The following ZBTB40 variants were observed in gnomAD, a reference collection of about 807,000 sequenced individuals.
ZBTB40 encodes zinc finger and BTB domain-containing protein 40.
A neutral mutation model predicts 117.5 loss-of-function variants in ZBTB40; 60 were observed. That is an observed-to-expected ratio of 0.51 (90% CI 0.41 to 0.63). The LOEUF (loss-of-function observed/expected upper bound fraction) is 0.63, where lower values mean the gene tolerates loss of function less well. Among genes scored for constraint, ZBTB40 ranks in the 30% least tolerant of loss-of-function variants. ZBTB40 has a pLI of 0.00. For synonymous variants in ZBTB40, 525 were observed against 577.1 expected (o/e 0.91, Z 1.29); for missense variants, 1,287 against 1,498.5 (o/e 0.86, Z 2.33).
intron 1 of ZBTB40, among the ~76,000 whole-genome samples, chr1:22,469,727 G>A (rs1463113458): frequency 6.6e-6 from 1 of 151,804 alleles, no homozygotes; most frequent in Non-Finnish European, 1.5e-5. Flanking sequence ...TAGTAGAGAC[G>A]GGGTTTCACC....
upstream of ZBTB40, among the ~76,000 whole-genome samples, chr1:22,451,076 A>C (rs1314319982): frequency 6.6e-6 from 1 of 152,208 alleles, no homozygotes; most frequent in Non-Finnish European, 1.5e-5. Context: ...AAGGAAAATG[A>C]GCAAAAGAAA....
At chr1:22,464,695 A>G (rs1569782550) in intron 1 of ZBTB40, among the ~76,000 whole-genome samples, 1 of 152,114 alleles carries the variant, frequency 6.6e-6, no homozygotes, top group South Asian at 2.1e-4. Context: ...CACTCTTAGC[A>G]TTTTTCTGTA....
At chr1:22,519,192 G>A (rs1383507004) in intron 13 of ZBTB40, among the ~76,000 whole-genome samples, 1 of 152,254 alleles carries the variant, frequency 6.6e-6, no homozygotes, top group Admixed American at 6.5e-5. Flanking sequence ...TAAAAGATTG[G>A]CTTGTGAGCA....
At chr1:22,488,331 T>C (rs1638530554) in intron 1 of ZBTB40, among the ~76,000 whole-genome samples, 1 of 142,880 alleles carries the variant, frequency 7.0e-6, no homozygotes, top group Non-Finnish European at 1.6e-5. Context: ...AAATATAGTA[T>C]GTCAGTAGGC....
chr1:22,456,713 G>C (rs1158015154), intron 1 of ZBTB40, among the ~76,000 whole-genome samples: 1 of 152,174 alleles, frequency 6.6e-6, no homozygotes, highest in Admixed American at 6.5e-5. Context: ...TGTCTAAAGT[G>C]GTCAAGCATA....
intron 1 of ZBTB40, among the ~76,000 whole-genome samples, chr1:22,430,592 C>T (rs946488182): frequency 2.0e-5 from 3 of 152,074 alleles, no homozygotes; most frequent in African/African-American, 7.2e-5. Context: ...CCACTTTGGC[C>T]TCCCATGTGG....
intron 17 of ZBTB40, among the ~76,000 whole-genome samples, chr1:22,525,098 C>G (rs1639640834): frequency 6.6e-6 from 1 of 152,172 alleles, no homozygotes. Context: ...AGTTCCAGAT[C>G]AGTCATTTAT....
chr1:22,527,224 C>G lies in ZBTB40; in HGVS notation c.*828C>G, dbSNP rs1250007295. 1.3e-5 allele frequency: 2 copies of G among 152,786 alleles called. No individual in the cohort carries two copies. The highest frequency in any genetic ancestry group is 2.9e-5 in the Non-Finnish European group (2 of 68,406). 9.5% of individuals were successfully genotyped at this position (152,786 alleles called of 1,614,324 possible). A position where few individuals can be genotyped will look rare whatever the true frequency, so the allele number is the denominator to read the frequency against. ...TTCCTTTAATCAAAGGCTGAAATCT[C>G]TGCCTGACCTGGCAGCCTGGCTCCC... On this transcript the variant is annotated 3_prime_UTR_variant, in exon 18 of 18. Transcript: ENST00000375647.
At chr1:22,499,739 G>A (rs1211750576) in intron 3 of ZBTB40, among the ~76,000 whole-genome samples, 1 of 152,166 alleles carries the variant, frequency 6.6e-6, no homozygotes, top group Non-Finnish European at 1.5e-5. Context: ...CTGTGCTTAG[G>A]AAGCAAGCTA....
rs983097110 is a variant in ZBTB40 at position 22,528,495 on chromosome 1, G to A, written c.*2099G>A. ...AGAGGGCTGTAAATTTTGAATTCCA[G>A]TGTCAGATCCTTTCAAGCACTGAGA... On this transcript the variant is annotated 3_prime_UTR_variant, in exon 18 of 18. Coordinates refer to ENST00000375647, the MANE Select transcript of ZBTB40 (RefSeq NM_014870.4). 6.6e-6 allele frequency: 1 copy of A among 152,330 alleles called. No homozygotes were observed. Among genetic ancestry groups the A allele is most frequent in the African/African-American group, 2.4e-5 (1 of 41,442 alleles). 9.4% of individuals were successfully genotyped at this position (152,330 alleles called of 1,614,324 possible). A position where few individuals can be genotyped will look rare whatever the true frequency, so the allele number is the denominator to read the frequency against.
In ZBTB40 at chr1:22,512,056, C is replaced by T. The variant is rs767200630; in HGVS notation, c.2383C>T (p.Pro795Ser). The T allele has an allele frequency of 2.5e-6, 4 of 1,613,888 alleles. No individual in the cohort carries two copies. The highest frequency in any genetic ancestry group is 3.4e-6 in the Non-Finnish European group (4 of 1,180,048). ...GGAGGCCCATGGTGCAGGTGGAGAGCCCGATGCCCCCAAGAAGAAGAAGAA... is the reference window on the plus strand; with the variant it reads ...GGAGGCCCATGGTGCAGGTGGAGAGTCCGATGCCCCCAAGAAGAAGAAGAA... ...QLEAHGAGGE[P>S]DAPKKKKKRL... The change falls in exon 11 of 18, where the codon CCC (proline) becomes TCC (serine). Residue 795 changes from proline to serine, a missense_variant. This residue lies in a region of ZBTB40 where 870 missense variants were observed against 934.4 expected (regional missense o/e 0.93). Coordinates refer to ENST00000375647, the MANE Select transcript of ZBTB40 (RefSeq NM_014870.4).
In ZBTB40 at chr1:22,459,883, G is replaced by A. The variant is rs1029187600; in HGVS notation, c.-70+7879G>A. Among the ~76,000 whole-genome samples the A allele has an allele frequency of 4.6e-5, 7 of 152,118 alleles. No individual in the cohort carries two copies. In the South Asian group the frequency reaches 1.5e-3, roughly 32 times the overall value. On this transcript the variant is annotated intron_variant, in intron 1 of 17. Coordinates refer to ENST00000375647, the MANE Select transcript of ZBTB40 (RefSeq NM_014870.4). ...AAGCTACTTTGGTGATTTTTCAGGA[G>A]TGTTACATGTTTTTCCTTATATAAA...
At position 22,490,277 on chromosome 1, in the gene ZBTB40, A is replaced by G. The variant is rs1638589135; in HGVS notation, c.329A>G (p.Lys110Arg). 1.4e-5 allele frequency: 23 copies of G among 1,614,232 alleles called. No individual in the cohort carries two copies. Among genetic ancestry groups the G allele is most frequent in the Admixed American group, 3.3e-5 (2 of 60,030 alleles). ...ATGTTTGATGTAGCTGTTAGCTGCA[A>G]AAATCTTCTGACCAGCCTTGTAAAC... ...LQMFDVAVSC[K>R]NLLTSLVNCS... is the part of the protein sequence containing the mutation. The change falls in exon 2 of 18, where the codon AAA (lysine) becomes AGA (arginine). Residue 110 changes from lysine to arginine, a missense_variant. This residue lies in a region of ZBTB40 where 870 missense variants were observed against 934.4 expected (regional missense o/e 0.93). Coordinates refer to ENST00000375647, the MANE Select transcript of ZBTB40 (RefSeq NM_014870.4).
rs1356584276 is a variant in ZBTB40, at chr1:22,508,590, G to A, written c.1558G>A (p.Ala520Thr). The stretch of plus-strand genomic sequence containing the variant: ...AGGTGGTTTCAATTCTCTGATATCA[G>A]CAGTTCTAGAAAAGCAGACTCTCTC... ...GSGGFNSLIS[A>T]VLEKQTLSAT... is the part of the protein sequence containing the mutation. The change falls in exon 8 of 18, where the codon GCA becomes ACA. Residue 520 changes from alanine (A) to threonine (T), a missense_variant. By Grantham distance (58) the Ala-to-Thr change is moderately conservative (BLOSUM62 0). Around this residue, in one of 2 missense-constraint regions of ZBTB40, gnomAD observed 870 missense variants for 934.4 expected, o/e 0.93. Transcript: ENST00000375647. 1 of 1,614,098 alleles carries A rather than the reference G, an allele frequency of 6.2e-7. No individual in the cohort carries two copies. The highest frequency in any genetic ancestry group is 8.5e-7 in the Non-Finnish European group (1 of 1,180,040).
At position 22,507,011 on chromosome 1, in the gene ZBTB40, C is replaced by G. The variant is rs148354025; in HGVS notation, c.1360+770C>G. Among the ~76,000 whole-genome samples the G allele has an allele frequency of 4.4e-3, 672 of 152,220 alleles. 3 individuals carry two copies. Among genetic ancestry groups the G allele is most frequent in the African/African-American group, 0.015 (636 of 41,528 alleles). On this transcript the variant is annotated intron_variant, in intron 6 of 17. Coordinates refer to ENST00000375647, the MANE Select transcript of ZBTB40 (RefSeq NM_014870.4). ...CCTTCTCCACAGTTCAGAAAAACTC[C>G]CCACAATCCTAGTTTTTGAAGGCTG...
Position 22,508,018 on chromosome 1 carries a change from G to A in ZBTB40, c.1378G>A (p.Asp460Asn). 6.2e-7 allele frequency: 1 copy of A among 1,614,146 alleles called. No homozygotes were observed. Among genetic ancestry groups the A allele is most frequent in the Non-Finnish European group, 8.5e-7 (1 of 1,180,032 alleles). The change falls in exon 7 of 18, where the codon GAT becomes AAT. Residue 460 changes from aspartate to asparagine, a missense_variant. Asp to Asn is a conservative substitution (Grantham distance 23, BLOSUM62 1). This residue lies in a region of ZBTB40 where 870 missense variants were observed against 934.4 expected (regional missense o/e 0.93). Transcript: ENST00000375647. ...CCTTACAGTCCAACCAAGCCCTGAT[G>A]ATTATGGGACTGAGCTATTGAGACG... ...PSTTVQPSPD[D>N]YGTELLRRYH...
intron 5 of ZBTB40, among the ~76,000 whole-genome samples, chr1:22,504,932 G>A (rs538782966): frequency 6.6e-6 from 1 of 152,280 alleles, no homozygotes; most frequent in African/African-American, 2.4e-5. Context: ...TTAGATACAA[G>A]CTCTTAATTT....
chr1:22,525,476 G>A (rs1021847964), intron 17 of ZBTB40, among the ~76,000 whole-genome samples: 1 of 152,118 alleles, frequency 6.6e-6, no homozygotes, highest in Non-Finnish European at 1.5e-5. Context: ...AAATATCAAG[G>A]GCATCTAGCT....
At chr1:22,451,439 A>T (rs1294878145), upstream of ZBTB40, among the ~76,000 whole-genome samples, 1 of 152,120 alleles carries the variant, frequency 6.6e-6, no homozygotes, top group Non-Finnish European at 1.5e-5. Context: ...GTTCGGGACC[A>T]GCCTGGCCAA....
Sources: allele counts gnomAD v4.1 joint callset (sites outside exome capture counted in the v4.1 genomes callset), GRCh38; gene constraint gnomAD v4.1.1; regional missense constraint gnomAD v4.1.1; transcripts MANE v1.5; gene names NCBI Gene and HGNC (gene_info 2026-07-23, HGNC 2026-07-21).